The following ST3GAL6 variants were observed in gnomAD, a reference collection of about 807,000 sequenced individuals.
ST3GAL6 encodes the protein type 2 lactosamine alpha-2,3-sialyltransferase.
ST3GAL6 carries 31 observed loss-of-function variants against 40.5 expected under a neutral mutation model. The ratio of observed to expected loss-of-function variants is 0.77; its 90% confidence interval spans 0.58 to 1.03. The LOEUF (loss-of-function observed/expected upper bound fraction) is 1.03, where lower values mean the gene tolerates loss of function less well. ST3GAL6 is among the 50% of genes least tolerant of loss of function. The pLI, the probability that ST3GAL6 is intolerant of heterozygous loss-of-function variation, is 0.00. For synonymous variants in ST3GAL6, 129 were observed against 136.9 expected (o/e 0.94, Z 0.40); for missense variants, 357 against 393.2 (o/e 0.91, Z 0.78).
intron 6 of ST3GAL6, among the ~76,000 whole-genome samples, chr3:98,785,691 C>G (rs1940635115): frequency 6.6e-6 from 1 of 152,102 alleles, no homozygotes. Flanking sequence ...ATTTTAAGTG[C>G]AACAGGAAGC....
At chr3:98,742,029 A>G (rs1936135525) in intron 1 of ST3GAL6, among the ~76,000 whole-genome samples, 2 of 152,224 alleles carry the variant, frequency 1.3e-5, no homozygotes, top group Admixed American at 1.3e-4. Context: ...TACCTTCTTC[A>G]TATATTTTAC....
intron 1 of ST3GAL6, among the ~76,000 whole-genome samples, chr3:98,754,472 C>G (rs1937263983): frequency 1.3e-5 from 2 of 152,188 alleles, no homozygotes; most frequent in African/African-American, 4.8e-5. Flanking sequence ...GAGATGAAAT[C>G]AGCTCCTAGT....
chr3:98,767,352 GTTTAT>G (rs758367784), intron 1 of ST3GAL6, among the ~76,000 whole-genome samples: 18 of 152,196 alleles, frequency 1.2e-4, no homozygotes, highest in Non-Finnish European at 1.5e-4. Flanking sequence ...AAAGGGAGTG[GTTTAT>G]TTTAAGATTT....
At chr3:98,772,958 G>A in intron 4 of ST3GAL6, 42 bp downstream of exon 4, 2 of 1,268,058 alleles carry the variant, frequency 1.6e-6, no homozygotes, top group East Asian at 2.4e-5. Flanking sequence ...AAATTTGAGT[G>A]GTGTTTGATG....
At chr3:98,780,913 TGACCACGTCTAA>T (rs1276948764) in intron 5 of ST3GAL6, among the ~76,000 whole-genome samples, 2 of 152,224 alleles carry the variant, frequency 1.3e-5, no homozygotes, top group Non-Finnish European at 2.9e-5. Context: ...GTTATATAAC[TGACCACGTCTAA>T]GACTGAGCTC....
At chr3:98,732,690 A>G (rs1935126258) in intron 1 of ST3GAL6, 2 of 608,388 alleles carry the variant, frequency 3.3e-6, no homozygotes, top group East Asian at 7.0e-5. Context: ...GCGACTCCGG[A>G]GGCGCTCGGC....
intron 8 of ST3GAL6, among the ~76,000 whole-genome samples, chr3:98,789,851 TTAGTGATGACA>T (rs529063380): frequency 2.0e-5 from 3 of 152,206 alleles, no homozygotes; most frequent in Non-Finnish European, 4.4e-5. Flanking sequence ...CTGAGCATAC[TTAGTGATGACA>T]TTAGAACTAG....
chr3:98,732,703 A>C, intron 1 of ST3GAL6: 1 of 688,872 alleles, frequency 1.5e-6, no homozygotes, highest in Non-Finnish European at 2.2e-6. Flanking sequence ...CGCTCGGCGC[A>C]GTCGCCCGGG....
chr3:98,788,563 T>A, intron 8 of ST3GAL6, 100 bp downstream of exon 8: 2 of 1,123,636 alleles, frequency 1.8e-6, no homozygotes. Context: ...CCACAGCTCA[T>A]GAGATGATTT....
intron 1 of ST3GAL6, among the ~76,000 whole-genome samples, chr3:98,737,477 C>T (rs1935654565): frequency 6.6e-6 from 1 of 152,146 alleles, no homozygotes; most frequent in South Asian, 2.1e-4. Context: ...TTCCCTAGGG[C>T]AGAGCACAGG....
upstream of ST3GAL6, among the ~76,000 whole-genome samples, chr3:98,760,989 C>A (rs570658258): frequency 2.6e-5 from 4 of 152,202 alleles, no homozygotes; most frequent in South Asian, 8.3e-4. Flanking sequence ...TTATATGATT[C>A]AATTTATATG....
chr3:98,790,742 T>C (rs1207198622), intron 8 of ST3GAL6, among the ~76,000 whole-genome samples: 1 of 152,082 alleles, frequency 6.6e-6, no homozygotes, highest in Non-Finnish European at 1.5e-5. Context: ...CTGTGGGTGA[T>C]GGCTGCAGAA....
intron 1 of ST3GAL6, among the ~76,000 whole-genome samples, chr3:98,741,648 T>C (rs1485172854): frequency 6.6e-6 from 1 of 152,150 alleles, no homozygotes; most frequent in African/African-American, 2.4e-5. Context: ...CTATGGCTTA[T>C]ATATTTATAT....
intron 5 of ST3GAL6, among the ~76,000 whole-genome samples, chr3:98,777,201 C>A (rs548423807): frequency 2.0e-5 from 3 of 152,360 alleles, no homozygotes; most frequent in African/African-American, 7.2e-5. Context: ...TTCTTAAGGG[C>A]ATCTCCCAGA....
chr3:98,759,780 A>G (rs776761700), upstream of ST3GAL6, among the ~76,000 whole-genome samples: 5 of 152,184 alleles, frequency 3.3e-5, no homozygotes, highest in South Asian at 2.1e-4. Flanking sequence ...TATGTGGCCA[A>G]TGATTCAGTT....
intron 3 of ST3GAL6, among the ~76,000 whole-genome samples, chr3:98,771,529 T>C (rs1938986840): frequency 6.6e-6 from 1 of 152,224 alleles, no homozygotes. Context: ...ATGCTCTAGA[T>C]AACAAGAAAT....
At chr3:98,752,444 A>G (rs1051550710) in intron 1 of ST3GAL6, among the ~76,000 whole-genome samples, 1 of 151,190 alleles carries the variant, frequency 6.6e-6, no homozygotes, top group African/African-American at 2.4e-5. Flanking sequence ...TAAAATATAT[A>G]TTTTTTTCTT....
chr3:98,737,682 A>T (rs1438362051), intron 1 of ST3GAL6, among the ~76,000 whole-genome samples: 1 of 152,222 alleles, frequency 6.6e-6, no homozygotes, highest in Non-Finnish European at 1.5e-5. Flanking sequence ...AACATACAAA[A>T]CAACTAAATT....
chr3:98,773,651 C>T (rs201059252), intron 4 of ST3GAL6, among the ~76,000 whole-genome samples: 2 of 147,206 alleles, frequency 1.4e-5, no homozygotes, highest in Non-Finnish European at 3.0e-5. Context: ...CAGAATCGTG[C>T]TATTTTAAAA....
Sources: allele counts gnomAD v4.1 joint callset (sites outside exome capture counted in the v4.1 genomes callset), GRCh38; gene constraint gnomAD v4.1.1; transcripts MANE v1.5; gene names NCBI Gene and HGNC (gene_info 2026-07-23, HGNC 2026-07-21).